The following ARRDC5 variants were observed in gnomAD, a reference collection of about 807,000 sequenced individuals.
The protein encoded by ARRDC5 is arrestin domain containing 5.
ARRDC5 carries 12 observed loss-of-function variants against 13.3 expected under a neutral mutation model. That is an observed-to-expected ratio of 0.90 (90% confidence interval 0.58 to 1.46). The LOEUF is 1.46. Ranked by LOEUF, ARRDC5 falls within the 40% of genes most tolerant of loss-of-function variation. ARRDC5 has a pLI of 0.00. For missense variants in ARRDC5, 406 were observed against 418.7 expected (o/e 0.97, Z 0.26); for synonymous variants, 181 against 173.4 (o/e 1.04, Z -0.34).
chr19:4,909,220 C>T, the ARRDC5 span: 47 of 494,358 alleles, frequency 9.5e-5, no homozygotes, highest in Non-Finnish European at 1.6e-4. Context: ...GGTCTGTACC[C>T]TGGGGGTCCC....
the ARRDC5 span, among the ~76,000 whole-genome samples, chr19:4,916,369 C>A: frequency 1.3e-5 from 2 of 152,050 alleles, no homozygotes; most frequent in East Asian, 3.9e-4. Flanking sequence ...GACAAGCGCG[C>A]CCCCTCTTTT....
At chr19:4,900,960 A>G (rs1260120547) in intron 1 of ARRDC5, among the ~76,000 whole-genome samples, 1 of 151,880 alleles carries the variant, frequency 6.6e-6, no homozygotes, top group Non-Finnish European at 1.5e-5. Flanking sequence ...TGGAGGTTGC[A>G]GTGAGCCAAG....
intron 2 of ARRDC5, among the ~76,000 whole-genome samples, chr19:4,893,770 C>T (rs1018774644): frequency 3.2e-4 from 47 of 145,176 alleles, no homozygotes; most frequent in Non-Finnish European, 4.9e-4. Context: ...AGGCCGGGTG[C>T]GGTGGCTCAC....
At chr19:4,899,318 A>G (rs1284611070) in intron 1 of ARRDC5, among the ~76,000 whole-genome samples, 1 of 143,404 alleles carries the variant, frequency 7.0e-6, no homozygotes, top group Non-Finnish European at 1.5e-5. Context: ...TCTCAAAAAA[A>G]AAATGTTTAT....
the ARRDC5 span, among the ~76,000 whole-genome samples, chr19:4,913,490 G>A: frequency 1.3e-5 from 2 of 151,974 alleles, no homozygotes; most frequent in Non-Finnish European, 2.9e-5. Flanking sequence ...CCTGACCTCA[G>A]GTGATCCACC....
the ARRDC5 span, among the ~76,000 whole-genome samples, chr19:4,913,725 T>C: frequency 1.3e-5 from 2 of 152,194 alleles, no homozygotes; most frequent in South Asian, 2.1e-4. Flanking sequence ...CTCTGGTAGT[T>C]ATGAAAAGAT....
chr19:4,916,627 C>T, the ARRDC5 span, among the ~76,000 whole-genome samples: 7 of 152,276 alleles, frequency 4.6e-5, no homozygotes, highest in East Asian at 1.9e-4. Context: ...GATGCCCTCG[C>T]GGCGCCGTCC....
At chr19:4,905,237 C>G (rs1051679019), upstream of ARRDC5, among the ~76,000 whole-genome samples, 4 of 150,406 alleles carry the variant, frequency 2.7e-5, no homozygotes, top group Non-Finnish European at 5.9e-5. Flanking sequence ...CTGCCTCAGC[C>G]TCCCGAGTAG....
At chr19:4,908,497 C>T in the ARRDC5 span, among the ~76,000 whole-genome samples, 2 of 152,120 alleles carry the variant, frequency 1.3e-5, no homozygotes, top group African/African-American at 4.8e-5. Flanking sequence ...GCCCCAACCA[C>T]ACCAGCCCCT....
At chr19:4,896,556 C>T in intron 2 of ARRDC5, 115 bp downstream of exon 2, 1 of 762,822 alleles carries the variant, frequency 1.3e-6, no homozygotes, top group Non-Finnish European at 2.2e-6. Flanking sequence ...TGGGAAGCTG[C>T]CAACACCCTT....
chr19:4,916,594 C>G, the ARRDC5 span, among the ~76,000 whole-genome samples: 15 of 152,110 alleles, frequency 9.9e-5, no homozygotes, highest in African/African-American at 3.6e-4. Flanking sequence ...TGTCACTAGC[C>G]CTCCACCCGT....
intron 1 of ARRDC5, among the ~76,000 whole-genome samples, chr19:4,902,084 T>G (rs1349407267): frequency 6.6e-6 from 1 of 152,110 alleles, no homozygotes; most frequent in Non-Finnish European, 1.5e-5. Context: ...GAGATGGGGT[T>G]TCGCTATATT....
intron 2 of ARRDC5, among the ~76,000 whole-genome samples, 180 bp from the exon 3 acceptor site, chr19:4,891,753 G>A (rs939752652): frequency 1.3e-5 from 2 of 152,058 alleles, no homozygotes; most frequent in African/African-American, 2.4e-5. Flanking sequence ...TCAGGAGTTC[G>A]AGACCAGCCT....
upstream of ARRDC5, among the ~76,000 whole-genome samples, chr19:4,906,614 A>G (rs146939173): frequency 0.015 from 2,276 of 152,202 alleles, 27 homozygotes; most frequent in Non-Finnish European, 0.024. Context: ...TTAGCCGGAC[A>G]TGGTGGTGCG....
At chr19:4,893,305 A>C (rs1170391570) in intron 2 of ARRDC5, among the ~76,000 whole-genome samples, 1 of 146,062 alleles carries the variant, frequency 6.8e-6, no homozygotes, top group African/African-American at 2.5e-5. Flanking sequence ...CAGGAATTTG[A>C]GACCAGCCTG....
the ARRDC5 span, among the ~76,000 whole-genome samples, chr19:4,913,894 C>G: frequency 1.3e-5 from 2 of 149,834 alleles, no homozygotes; most frequent in Non-Finnish European, 3.0e-5. Flanking sequence ...TTACCTCAAC[C>G]TCCACCTCCT....
Position 4,891,013 on chromosome 19 carries a change from A to C in ARRDC5, c.*33T>G. ...AGAGGGCTTCCTCCTGGTAGAGACT[A>C]ATAAAGCTTTTAATATTTAAAAGTT... On this transcript the variant is annotated 3_prime_UTR_variant, in exon 3 of 3. Coordinates refer to ENST00000650722, the MANE Select transcript of ARRDC5 (RefSeq NM_001080523.3). 1 of 1,567,848 alleles carries C rather than the reference A, an allele frequency of 6.4e-7. No homozygotes were observed. Among genetic ancestry groups the C allele is most frequent in the Middle Eastern group, 1.7e-4 (1 of 5,802 alleles).
chr19:4,896,947 T>G, intron 1 of ARRDC5, 71 bp from the exon 2 acceptor site: 1 of 1,110,804 alleles, frequency 9.0e-7, no homozygotes, highest in Non-Finnish European at 1.3e-6. Context: ...TTTTTTTTTT[T>G]GCTTTATTTT....
chr19:4,897,913 C>T (rs981069984), intron 1 of ARRDC5, among the ~76,000 whole-genome samples: 2 of 152,090 alleles, frequency 1.3e-5, no homozygotes, highest in South Asian at 2.1e-4. Flanking sequence ...ATGGCGAAAC[C>T]CAATCTCTAC....
Sources: gnomAD v4.1 joint callset for allele counts (sites outside exome capture counted in the v4.1 genomes callset) on GRCh38, gnomAD v4.1.1 for gene constraint, MANE v1.5 for transcripts, NCBI Gene and HGNC (gene_info 2026-07-23, HGNC 2026-07-21) for gene names.